NADK2: variants seen among roughly 807,000 people sequenced by gnomAD.
NADK2 encodes NAD kinase domain-containing protein 1, mitochondrial.
Under a neutral mutation model 62.1 loss-of-function variants are expected in NADK2, and 35 were observed. The observed-to-expected ratio is 0.56, with a 90% CI of 0.43 to 0.75. The LOEUF is 0.75. NADK2 is among the 30% of genes least tolerant of loss of function. The pLI, the probability that NADK2 is intolerant of heterozygous loss-of-function variation, is 0.00. For missense variants in NADK2, 439 were observed against 561.3 expected, an observed-to-expected ratio of 0.78 and a Z score of 2.20; for synonymous variants, 205 against 207.9, an observed-to-expected ratio of 0.99 and a Z score of 0.12.
At chr5:36,214,181 C>G (rs1281684910) in intron 6 of NADK2, among the ~76,000 whole-genome samples, 3 of 152,018 alleles carry the variant, frequency 2.0e-5, no homozygotes, top group Non-Finnish European at 1.5e-5. Flanking sequence ...AGACTCCATA[C>G]CAATTACTTT....
At chr5:36,224,571 AG>A (rs1376338755) in intron 4 of NADK2, among the ~76,000 whole-genome samples, 3 of 151,352 alleles carry the variant, frequency 2.0e-5, no homozygotes, top group Middle Eastern at 3.2e-3. Context: ...AAAAAAAAAA[AG>A]AAAGAAAGAA....
chr5:36,241,430 GA>G lies in NADK2; in HGVS notation c.300+68del. ...AAGAGTCGTCCCGAGAGGTCCCCCCGAGGGGGCGCAGCCGCCACCAGAGCCC... is the reference window on the plus strand; with the variant it reads ...AAGAGTCGTCCCGAGAGGTCCCCCCGGGGGGCGCAGCCGCCACCAGAGCCC... On this transcript the variant is annotated intron_variant, in intron 1 of 11. Coordinates refer to ENST00000381937, the MANE Select transcript of NADK2 (RefSeq NM_001085411.3). The surrounding 1 kb of genome is among the most constrained non-coding windows in gnomAD (Gnocchi z 4.9). The G allele has an allele frequency of 6.9e-7, 1 of 1,459,846 alleles. No homozygotes were observed. The highest frequency in any genetic ancestry group is 9.0e-7 in the Non-Finnish European group (1 of 1,108,924). 90.4% of individuals were successfully genotyped at this position (1,459,846 alleles called of 1,614,324 possible).
Position 36,207,168 on chromosome 5 carries a change from A to G in NADK2, c.956+2T>C, listed in dbSNP as rs1486502595. 1 of 1,610,162 alleles carries G rather than the reference A, an allele frequency of 6.2e-7. No individual in the cohort carries two copies. The highest frequency in any genetic ancestry group is 8.5e-7 in the Non-Finnish European group (1 of 1,177,288). ...TGATAAGCAACATCCCAAGTTACTCACCAGGCCTTTGATCCTGTTCCAGTA... is the reference window on the plus strand; with the variant it reads ...TGATAAGCAACATCCCAAGTTACTCGCCAGGCCTTTGATCCTGTTCCAGTA... On this transcript the variant is annotated splice_donor_variant, in intron 8 of 11. Coordinates refer to ENST00000381937, the MANE Select transcript of NADK2 (RefSeq NM_001085411.3). LOFTEE classifies it high-confidence loss of function.
At chr5:36,206,555 G>A (rs992434241) in intron 8 of NADK2, among the ~76,000 whole-genome samples, 1 of 152,036 alleles carries the variant, frequency 6.6e-6, no homozygotes, top group Non-Finnish European at 1.5e-5. Context: ...CATGGAGTCA[G>A]GGTAAATGCT....
intron 8 of NADK2, among the ~76,000 whole-genome samples, chr5:36,203,433 C>A (rs1746518507): frequency 1.3e-5 from 2 of 151,982 alleles, no homozygotes; most frequent in African/African-American, 4.8e-5. Context: ...GCAAAAGAAT[C>A]ATCAGTAATG....
intron 1 of NADK2, among the ~76,000 whole-genome samples, chr5:36,236,152 A>G (rs1452530139): frequency 6.6e-6 from 1 of 152,142 alleles, no homozygotes; most frequent in Non-Finnish European, 1.5e-5. Context: ...GGCTGGTCAC[A>G]TATTTGTAGT....
intron 4 of NADK2, among the ~76,000 whole-genome samples, chr5:36,222,087 T>C (rs948974727): frequency 6.6e-5 from 10 of 152,162 alleles, no homozygotes; most frequent in Admixed American, 2.0e-4. Flanking sequence ...GAATTTATAG[T>C]CTAATGAAAG....
chr5:36,238,278 A>G (rs1184115333), intron 1 of NADK2, among the ~76,000 whole-genome samples: 1 of 152,214 alleles, frequency 6.6e-6, no homozygotes, highest in Non-Finnish European at 1.5e-5. Context: ...GGGAAATCCA[A>G]GGTGCTACAC....
chr5:36,198,722 T>C (rs1431689221), intron 10 of NADK2, among the ~76,000 whole-genome samples: 3 of 151,234 alleles, frequency 2.0e-5, no homozygotes, highest in Non-Finnish European at 4.4e-5. Flanking sequence ...TTACTATATA[T>C]ACCTAACTTT....
At chr5:36,227,622 A>G in intron 1 of NADK2, 57 bp from the exon 2 acceptor site, 1 of 951,596 alleles carries the variant, frequency 1.1e-6, no homozygotes, top group South Asian at 2.6e-5. Context: ...ATGATGTTCT[A>G]ATATTATGAT....
intron 1 of NADK2, among the ~76,000 whole-genome samples, chr5:36,228,667 G>A (rs1446367486): frequency 2.0e-5 from 3 of 151,560 alleles, no homozygotes; most frequent in Non-Finnish European, 2.9e-5. Context: ...TGCCCAGGCC[G>A]GGGTGTGGTA....
At chr5:36,207,514 T>C (rs895270161) in intron 7 of NADK2, among the ~76,000 whole-genome samples, 1 of 152,052 alleles carries the variant, frequency 6.6e-6, no homozygotes, top group African/African-American at 2.4e-5. Flanking sequence ...AATACTTTAA[T>C]ATTTCAAATA....
intron 3 of NADK2, 94 bp from the exon 4 acceptor site, chr5:36,225,717 T>C: frequency 9.7e-7 from 1 of 1,031,666 alleles, no homozygotes; most frequent in Non-Finnish European, 1.5e-6. Context: ...TTAACAATCA[T>C]ACCCCACCCT....
chr5:36,198,030 C>A (rs1373534624), intron 10 of NADK2, among the ~76,000 whole-genome samples: 2 of 152,208 alleles, frequency 1.3e-5, no homozygotes, highest in African/African-American at 2.4e-5. Context: ...CTACCAAGTT[C>A]TTTCCAAAAT....
At chr5:36,208,501 T>C in intron 7 of NADK2, 1 of 664,960 alleles carries the variant, frequency 1.5e-6, no homozygotes, top group Non-Finnish European at 2.6e-6. Flanking sequence ...AGGTGAGAGA[T>C]GCTCAGCCCA....
At chr5:36,226,908 G>T (rs1747504212) in intron 2 of NADK2, among the ~76,000 whole-genome samples, 1 of 152,042 alleles carries the variant, frequency 6.6e-6, no homozygotes, top group Non-Finnish European at 1.5e-5. Flanking sequence ...TGGTCCAGAA[G>T]ACTAACACCT....
At chr5:36,235,085 TTAAC>T (rs1346483223) in intron 1 of NADK2, among the ~76,000 whole-genome samples, 6 of 152,202 alleles carry the variant, frequency 3.9e-5, no homozygotes, top group Non-Finnish European at 8.8e-5. Flanking sequence ...TTTAAACAAA[TTAAC>T]TAACAGACTT....
intron 1 of NADK2, among the ~76,000 whole-genome samples, chr5:36,233,588 G>C (rs556649776): frequency 6.6e-6 from 1 of 152,202 alleles, no homozygotes; most frequent in Non-Finnish European, 1.5e-5. Flanking sequence ...TCATTAACTA[G>C]AAAATAAAAC....
At chr5:36,218,700 T>C (rs1320112175) in intron 5 of NADK2, among the ~76,000 whole-genome samples, 2 of 152,168 alleles carry the variant, frequency 1.3e-5, no homozygotes, top group Non-Finnish European at 2.9e-5. Flanking sequence ...TCAAATATAA[T>C]TGGCCAACCT....
Sources: gnomAD v4.1 joint callset for allele counts (sites outside exome capture counted in the v4.1 genomes callset) on GRCh38, gnomAD v4.1.1 for gene constraint, Gnocchi (gnomAD v3.1) non-coding constraint, MANE v1.5 for transcripts, NCBI Gene and HGNC (gene_info 2026-07-23, HGNC 2026-07-21) for gene names.